The following NR2C1 variants were observed in gnomAD, a reference collection of about 807,000 sequenced individuals.
The protein encoded by NR2C1 is nuclear receptor subfamily 2 group C member 1, also known as TR2 nuclear hormone receptor.
A neutral mutation model predicts 74.8 loss-of-function variants in NR2C1; 33 were observed. The observed-to-expected ratio is 0.44, with a 90% CI of 0.33 to 0.59. NR2C1 has a LOEUF of 0.59. NR2C1 is among the 20% of genes least tolerant of loss of function. The pLI, the probability that NR2C1 is intolerant of heterozygous loss-of-function variation, is 0.02. For synonymous variants in NR2C1, 225 were observed against 240.6 expected (o/e 0.94, Z 0.60); for missense variants, 568 against 715.6 (o/e 0.79, Z 2.35).
At chr12:95,046,493 C>A (rs1177398078) in intron 9 of NR2C1, among the ~76,000 whole-genome samples, 1 of 152,082 alleles carries the variant, frequency 6.6e-6, no homozygotes, top group Non-Finnish European at 1.5e-5. Context: ...AAGACTGAAG[C>A]AGGAGAATCC....
intron 12 of NR2C1, among the ~76,000 whole-genome samples, chr12:95,027,366 T>C (rs1385524573): frequency 2.0e-5 from 3 of 152,178 alleles, no homozygotes; most frequent in South Asian, 4.1e-4. Flanking sequence ...AGGTCTATCA[T>C]ATTATTTCAC....
At chr12:95,062,432 T>G in intron 3 of NR2C1, 76 bp downstream of exon 3, 1 of 937,322 alleles carries the variant, frequency 1.1e-6, no homozygotes, top group South Asian at 1.6e-5. Flanking sequence ...AGATCTAAAG[T>G]CTTCATGGCA....
In NR2C1 at chr12:95,044,892, A is replaced by T. The variant is rs542008431; in HGVS notation, c.1131+4176T>A. On this transcript the variant is annotated intron_variant, in intron 9 of 13. Transcript: ENST00000333003. Reference sequence around the variant, plus strand: ...GCCAGTCTGTCTCAAAAAAACAAAAACAAAAACAAAATCCTTGGAGGCTGA... The same window carrying T: ...GCCAGTCTGTCTCAAAAAAACAAAATCAAAAACAAAATCCTTGGAGGCTGA... 7.9e-5 allele frequency among the ~76,000 whole-genome samples: 12 copies of T among 152,124 alleles called. No homozygotes were observed. The East Asian group carries it at 2.3e-3, about 30-fold the overall frequency.
chr12:95,069,259 G>A (rs1876214355), intron 1 of NR2C1, among the ~76,000 whole-genome samples: 1 of 152,166 alleles, frequency 6.6e-6, no homozygotes, highest in Admixed American at 6.5e-5. Context: ...AACTTAGGGA[G>A]ATAAACTATT....
At chr12:95,050,961 C>T (rs1406694649) in intron 8 of NR2C1, among the ~76,000 whole-genome samples, 1 of 152,136 alleles carries the variant, frequency 6.6e-6, no homozygotes, top group Admixed American at 6.6e-5. Context: ...AAGTGTTTCG[C>T]TCTCCATACA....
At chr12:95,067,160 C>A in intron 2 of NR2C1, 171 bp downstream of exon 2, 2 of 655,264 alleles carry the variant, frequency 3.1e-6, no homozygotes, top group South Asian at 1.8e-5. Flanking sequence ...ACAGAACTTA[C>A]CACATTCTAC....
chr12:95,058,271 T>A (rs746572098), intron 5 of NR2C1, 39 bp downstream of exon 5: 1 of 1,539,242 alleles, frequency 6.5e-7, no homozygotes, highest in African/African-American at 1.4e-5. Context: ...TTTGCTGGAA[T>A]CTTTAAAAAG....
At chr12:95,041,755 A>C (rs1047011272) in intron 9 of NR2C1, among the ~76,000 whole-genome samples, 2 of 152,202 alleles carry the variant, frequency 1.3e-5, no homozygotes, top group African/African-American at 4.8e-5. Flanking sequence ...CATCTACCAA[A>C]ATTTTGAAAG....
intron 10 of NR2C1, among the ~76,000 whole-genome samples, chr12:95,032,180 T>C (rs957412424): frequency 2.6e-5 from 4 of 152,218 alleles, no homozygotes; most frequent in Non-Finnish European, 2.9e-5. Flanking sequence ...TAGAATTATT[T>C]TATAGTAGGC....
chr12:95,041,376 G>C (rs1290758198), intron 9 of NR2C1, among the ~76,000 whole-genome samples: 1 of 152,046 alleles, frequency 6.6e-6, no homozygotes, highest in Non-Finnish European at 1.5e-5. Context: ...CAGCTACCCG[G>C]GAGGCTGAGG....
At chr12:95,060,166 C>T (rs770597090) in intron 3 of NR2C1, among the ~76,000 whole-genome samples, 182 bp from the exon 4 acceptor site, 3 of 151,796 alleles carry the variant, frequency 2.0e-5, no homozygotes, top group African/African-American at 2.4e-5. Context: ...CATGTAATGA[C>T]GACAAAAATA....
Position 95,030,477 on chromosome 12 carries a change from A to G in NR2C1, c.1393+872T>C, listed in dbSNP as rs184614368. On this transcript the variant is annotated intron_variant, in intron 11 of 13. Transcript: ENST00000333003. Reference sequence around the variant, plus strand: ...GTTTAAAACCCATCCATTAGTAATTAGTCAACCATAGCTTTCCTGAAGGTA... The same window carrying G: ...GTTTAAAACCCATCCATTAGTAATTGGTCAACCATAGCTTTCCTGAAGGTA... The G allele has an allele frequency of 8.8e-4, 1,328 of 1,509,156 alleles. 1 individual carries two copies. The highest frequency in any genetic ancestry group is 1.1e-3 in the Non-Finnish European group (1,287 of 1,133,080). The allele number at this position is 1,509,156 out of a possible 1,614,324, so 93.5% of individuals were successfully genotyped here.
intron 7 of NR2C1, among the ~76,000 whole-genome samples, chr12:95,055,952 CAAAAAAAAAAAAAA>C (rs3048563): frequency 1.8e-5 from 1 of 56,512 alleles, no homozygotes; most frequent in Non-Finnish European, 3.3e-5. Context: ...GACTCCGTCT[CAAAAAAAAAAAAAA>C]AAAAAAAAAT....
chr12:95,060,055 TAAAAAA>T, intron 3 of NR2C1, 71 bp from the exon 4 acceptor site: 1 of 1,196,770 alleles, frequency 8.4e-7, no homozygotes, highest in Non-Finnish European at 1.2e-6. Context: ...CTCATTCTAT[TAAAAAA>T]ATTAAAGAAC....
chr12:95,023,927 A>C (rs1869045833), intron 13 of NR2C1, among the ~76,000 whole-genome samples: 1 of 152,228 alleles, frequency 6.6e-6, no homozygotes, highest in Non-Finnish European at 1.5e-5. Context: ...TGGTGGGTTT[A>C]TCCTTCTGTC....
At position 95,043,689 on chromosome 12, in the gene NR2C1, C is replaced by CAAAAAAAAAAAAAAAAA. The variant is rs34229669; in HGVS notation, c.1132-3093_1132-3092insTTTTTTTTTTTTTTTTT. Among the ~76,000 whole-genome samples the CAAAAAAAAAAAAAAAAA allele has an allele frequency of 8.2e-4, 77 of 94,212 alleles. 1 individual carries two copies. The highest frequency in any genetic ancestry group is 5.3e-3 in the Middle Eastern group (1 of 190). 61.8% of individuals were successfully genotyped at this position (94,212 alleles called of 152,430 possible). A position where few individuals can be genotyped will look rare whatever the true frequency, so the allele number is the denominator to read the frequency against. On this transcript the variant is annotated intron_variant, in intron 9 of 13. Transcript: ENST00000333003. The stretch of plus-strand genomic sequence containing the variant: ...TGGGAGACAGAGCAAGACTCTGTCT[C>CAAAAAAAAAAAAAAAAA]AAAAAAAAAAAAAATCCTTTGCAAA...
chr12:95,036,784 T>G (rs1206573733), intron 10 of NR2C1, among the ~76,000 whole-genome samples: 2 of 152,214 alleles, frequency 1.3e-5, no homozygotes, highest in African/African-American at 4.8e-5. Flanking sequence ...GTGCTGAGAT[T>G]ACAGGCATGA....
At chr12:95,068,977 G>T (rs1179901337) in intron 1 of NR2C1, among the ~76,000 whole-genome samples, 1 of 151,244 alleles carries the variant, frequency 6.6e-6, no homozygotes, top group Non-Finnish European at 1.5e-5. Flanking sequence ...GAAAAAAAAA[G>T]AAAAAGAAAA....
chr12:95,063,377 T>C (rs534105378), intron 2 of NR2C1, among the ~76,000 whole-genome samples: 21 of 152,024 alleles, frequency 1.4e-4, no homozygotes, highest in African/African-American at 4.8e-4. Flanking sequence ...AATAGAGATA[T>C]ATGATGAGTA....
Sources: gnomAD v4.1 joint callset for allele counts (sites outside exome capture counted in the v4.1 genomes callset) on GRCh38, gnomAD v4.1.1 for gene constraint, MANE v1.5 for transcripts, NCBI Gene and HGNC (gene_info 2026-07-23, HGNC 2026-07-21) for gene names.